The following TSPAN13 variants were observed in gnomAD, a reference collection of about 807,000 sequenced individuals.
TSPAN13 encodes the protein tetraspanin-13.
TSPAN13 carries 18 observed loss-of-function variants against 26.9 expected under a neutral mutation model. That is an observed-to-expected ratio of 0.67 (90% CI 0.46 to 0.99). The LOEUF (loss-of-function observed/expected upper bound fraction) is 0.99. TSPAN13 is among the 50% of genes least tolerant of loss of function. The pLI, the probability that TSPAN13 is intolerant of heterozygous loss-of-function variation, is 0.00. For synonymous variants in TSPAN13, 116 were observed against 98.4 expected, an observed-to-expected ratio of 1.18 and a Z score of -1.06; for missense variants, 201 against 249.6, an observed-to-expected ratio of 0.81 and a Z score of 1.31.
intron 1 of TSPAN13, among the ~76,000 whole-genome samples, chr7:16,773,985 C>A (rs1462206608): frequency 6.6e-6 from 1 of 152,194 alleles, no homozygotes; most frequent in African/African-American, 2.4e-5. Context: ...TGGTCAAGCA[C>A]TAGTCTAGAT....
intron 1 of TSPAN13, among the ~76,000 whole-genome samples, chr7:16,773,684 C>G (rs1460060750): frequency 6.6e-6 from 1 of 152,114 alleles, no homozygotes; most frequent in Non-Finnish European, 1.5e-5. Flanking sequence ...TTTTAATATT[C>G]TCATATTTAA....
chr7:16,777,091 G>A lies in TSPAN13; in HGVS notation c.281G>A (p.Cys94Tyr). The change falls in exon 3 of 6, where the codon TGC becomes TAC. Residue 94 changes from cysteine to tyrosine, a missense_variant. Cys to Tyr is a radical substitution (Grantham distance 194, BLOSUM62 -2). Coordinates refer to ENST00000262067, the MANE Select transcript of TSPAN13 (RefSeq NM_014399.4). ...LVFIVQFSVS[C>Y]ACLALNQEQQ... ...TTTATTGTTCAGTTTTCTGTATCTT[G>A]CGCTTGTTTAGCCCTGAACCAGGAG... The A allele has an allele frequency of 6.2e-7, 1 of 1,613,442 alleles. No individual in the cohort carries two copies. The highest frequency in any genetic ancestry group is 8.5e-7 in the Non-Finnish European group (1 of 1,179,674).
chr7:16,782,293 T>G (rs1421411579), intron 5 of TSPAN13, among the ~76,000 whole-genome samples: 1 of 152,158 alleles, frequency 6.6e-6, no homozygotes, highest in Non-Finnish European at 1.5e-5. Flanking sequence ...GTTATGAATC[T>G]TACAGTAATT....
chr7:16,753,783 C>T lies in TSPAN13; in HGVS notation c.-185C>T. On this transcript the variant is annotated 5_prime_UTR_variant, in exon 1 of 6. Coordinates refer to ENST00000262067, the MANE Select transcript of TSPAN13 (RefSeq NM_014399.4). ...GCTCAGCTGCGGCGGCCGCAGGTTC[C>T]AAAGCGGGTCCGAGCCGCCGCCGCG... 1 of 495,264 alleles carries T rather than the reference C, an allele frequency of 2.0e-6. No individual in the cohort carries two copies. Among genetic ancestry groups the T allele is most frequent in the South Asian group, 2.9e-5 (1 of 34,002 alleles). The allele number at this position is 495,264 out of a possible 1,614,324, so 30.7% of individuals were successfully genotyped here. A position where few individuals can be genotyped will look rare whatever the true frequency, so the allele number is the denominator to read the frequency against.
At chr7:16,778,283 G>A (rs936693848) in intron 4 of TSPAN13, among the ~76,000 whole-genome samples, 1 of 152,200 alleles carries the variant, frequency 6.6e-6, no homozygotes, top group Non-Finnish European at 1.5e-5. Context: ...CCTCAGTGAG[G>A]CTTCTTTTGT....
intron 3 of TSPAN13, 98 bp downstream of exon 3, chr7:16,777,220 C>T (rs756034275): frequency 3.7e-6 from 3 of 814,358 alleles, no homozygotes; most frequent in Non-Finnish European, 5.9e-6. Flanking sequence ...TTTCGTCTTG[C>T]ACAGAATGCC....
intron 4 of TSPAN13, 104 bp from the exon 5 acceptor site, chr7:16,778,899 T>C (rs1486883830): frequency 1.3e-6 from 1 of 784,762 alleles, no homozygotes; most frequent in East Asian, 2.8e-5. Context: ...AGGCCTCAAA[T>C]TGGATATAAT....
intron 1 of TSPAN13, among the ~76,000 whole-genome samples, chr7:16,769,880 C>G (rs1784654078): frequency 6.6e-6 from 1 of 152,084 alleles, no homozygotes; most frequent in South Asian, 2.1e-4. Context: ...TTACCATTAG[C>G]TAGAATAATC....
chr7:16,762,585 A>G (rs549932761), intron 1 of TSPAN13, among the ~76,000 whole-genome samples: 2 of 152,296 alleles, frequency 1.3e-5, no homozygotes, highest in South Asian at 2.1e-4. Context: ...CAAGACCACA[A>G]TGTTAGGAAT....
In TSPAN13 at chr7:16,760,654, G is replaced by T. The variant is rs141521213; in HGVS notation, c.63+6624G>T. 1.7e-3 allele frequency among the ~76,000 whole-genome samples: 263 copies of T among 152,250 alleles called. 3 individuals carry two copies. Among genetic ancestry groups the T allele is most frequent in the African/African-American group, 6.2e-3 (258 of 41,534 alleles). On this transcript the variant is annotated intron_variant, in intron 1 of 5. Transcript: ENST00000262067. ...GGGCAGTGGTCCATGGATTGAAGTA[G>T]TGCATTTCAAACATTAAGAGATTCA...
intron 1 of TSPAN13, chr7:16,775,918 C>A: frequency 3.7e-6 from 1 of 273,148 alleles, no homozygotes. Context: ...CAGTAGCATG[C>A]ATTTAGGCTC....
chr7:16,758,499 A>G (rs569990812), intron 1 of TSPAN13, among the ~76,000 whole-genome samples: 1 of 152,324 alleles, frequency 6.6e-6, no homozygotes, highest in South Asian at 2.1e-4. Flanking sequence ...TCAGGTGGAA[A>G]AAGTTGAATT....
intron 1 of TSPAN13, among the ~76,000 whole-genome samples, chr7:16,762,870 G>A (rs185859617): frequency 5.9e-5 from 9 of 152,124 alleles, no homozygotes; most frequent in Non-Finnish European, 5.9e-5. Flanking sequence ...TCTTTTGGGG[G>A]GAAACAGATC....
At chr7:16,768,415 T>C (rs140511243) in intron 1 of TSPAN13, among the ~76,000 whole-genome samples, 25 of 152,338 alleles carry the variant, frequency 1.6e-4, no homozygotes, top group African/African-American at 5.8e-4. Flanking sequence ...CTGTCTAACC[T>C]TGGGCAAGTT....
intron 1 of TSPAN13, among the ~76,000 whole-genome samples, chr7:16,762,976 A>G (rs1217718748): frequency 6.6e-6 from 1 of 152,150 alleles, no homozygotes; most frequent in Non-Finnish European, 1.5e-5. Flanking sequence ...CCATGACCAC[A>G]TTCAAGACCC....
intron 1 of TSPAN13, among the ~76,000 whole-genome samples, chr7:16,774,041 T>C (rs1784712333): frequency 6.6e-6 from 1 of 152,228 alleles, no homozygotes; most frequent in South Asian, 2.1e-4. Flanking sequence ...TTACAATCAG[T>C]TGACTTTAAA....
chr7:16,764,662 G>C (rs1784585864), intron 1 of TSPAN13, among the ~76,000 whole-genome samples: 1 of 152,112 alleles, frequency 6.6e-6, no homozygotes, highest in Admixed American at 6.5e-5. Flanking sequence ...CTCCTAGGAA[G>C]TAAATTAAAG....
intron 1 of TSPAN13, among the ~76,000 whole-genome samples, chr7:16,760,466 G>C (rs1784531064): frequency 1.3e-5 from 2 of 152,150 alleles, no homozygotes; most frequent in South Asian, 4.1e-4. Flanking sequence ...AACTAGGATG[G>C]AGAAGATGGC....
At chr7:16,763,746 G>A (rs1197113773) in intron 1 of TSPAN13, among the ~76,000 whole-genome samples, 3 of 152,240 alleles carry the variant, frequency 2.0e-5, no homozygotes, top group African/African-American at 4.8e-5. Flanking sequence ...TGGTGGGCCA[G>A]AATTTTGTGT....
Sources: allele counts gnomAD v4.1 joint callset (sites outside exome capture counted in the v4.1 genomes callset), GRCh38; gene constraint gnomAD v4.1.1; transcripts MANE v1.5; gene names NCBI Gene and HGNC (gene_info 2026-07-23, HGNC 2026-07-21).